SAMD3: variants seen among roughly 807,000 people sequenced by gnomAD.
The protein encoded by SAMD3 is sterile alpha motif domain containing 3, also known as sterile alpha motif domain-containing protein 3.
SAMD3 carries 63 observed loss-of-function variants against 58.5 expected under a neutral mutation model. The observed-to-expected ratio is 1.08, with a 90% CI of 0.88 to 1.33. The LOEUF (loss-of-function observed/expected upper bound fraction) is 1.33, where lower values mean the gene tolerates loss of function less well. Ranked by LOEUF, SAMD3 falls within the 40% of genes most tolerant of loss-of-function variation. The pLI, the probability that SAMD3 is intolerant of heterozygous loss-of-function variation, is 0.00. For synonymous variants in SAMD3, 220 were observed against 210.3 expected, an observed-to-expected ratio of 1.05 and a Z score of -0.40; for missense variants, 604 against 608.4, an observed-to-expected ratio of 0.99 and a Z score of 0.08.
At chr6:130,184,000 G>GAC in intron 7 of SAMD3, 103 bp downstream of exon 7, 1 of 819,632 alleles carries the variant, frequency 1.2e-6, no homozygotes, top group Non-Finnish European at 2.1e-6. Context: ...GAGAGAGAGA[G>GAC]ACACCAAGAA....
Position 130,144,498 on chromosome 6 carries a change from C to T in SAMD3, c.*22G>A, listed in dbSNP as rs975748374. The T allele has an allele frequency of 6.2e-7, 1 of 1,603,016 alleles. No individual in the cohort carries two copies. Among genetic ancestry groups the T allele is most frequent in the African/African-American group, 1.3e-5 (1 of 74,316 alleles). On this transcript the variant is annotated 3_prime_UTR_variant, in exon 12 of 12. Coordinates refer to ENST00000439090, the MANE Select transcript of SAMD3 (RefSeq NM_001017373.4). ...CTTCAGTTTTCCCAGAGGTAAATTC[C>T]AGTACAATATTTGGCATGCTATTAA...
chr6:130,191,373 A>G (rs185245457), intron 5 of SAMD3, among the ~76,000 whole-genome samples: 1 of 152,162 alleles, frequency 6.6e-6, no homozygotes, highest in Non-Finnish European at 1.5e-5. Context: ...GCTCCCCAGG[A>G]AGAGGAAAAT....
intron 2 of SAMD3, among the ~76,000 whole-genome samples, chr6:130,287,073 A>T (rs9492524): frequency 0.14 from 20,636 of 152,138 alleles, 3,894 homozygotes; most frequent in African/African-American, 0.43. Flanking sequence ...ATTACTTTGG[A>T]TGCCACATTT....
chr6:130,154,816 T>TA lies in SAMD3; in HGVS notation c.1023+8dup, dbSNP rs1789630425. The TA allele has an allele frequency of 6.3e-7, 1 of 1,580,532 alleles. No individual in the cohort carries two copies. The highest frequency in any genetic ancestry group is 8.7e-7 in the Non-Finnish European group (1 of 1,153,708). On this transcript the variant is annotated intron_variant, in intron 9 of 11. Transcript: ENST00000439090. Reference sequence around the variant, plus strand: ...TATGTGTGTGTATATATATATAGAATAAAGATACCTGATAAGGGCACTTCA... The same window carrying TA: ...TATGTGTGTGTATATATATATAGAATAAAAGATACCTGATAAGGGCACTTCA...
chr6:130,310,123 G>A (rs961159249), intron 2 of SAMD3, among the ~76,000 whole-genome samples: 2 of 152,184 alleles, frequency 1.3e-5, no homozygotes, highest in East Asian at 1.9e-4. Flanking sequence ...TCTTACCTTA[G>A]AGAATAATAT....
rs550519996 is a variant in SAMD3 at position 130,269,048 on chromosome 6, C to T, written c.-188+43930G>A. Among the ~76,000 whole-genome samples, 73 of 152,198 alleles carry T rather than the reference C, an allele frequency of 4.8e-4. No individual in the cohort carries two copies. The Middle Eastern group carries it at 0.01, about 21-fold the overall frequency. On this transcript the variant is annotated intron_variant, in intron 2 of 13. Transcript: ENST00000368134. ...GGATTATTTGCCTAGCCCTAGTTCC[C>T]GAAGTTTTACTCCTTTTCTTATTCT...
At position 130,174,414 on chromosome 6, in the gene SAMD3, G is replaced by A. The variant is rs889872486; in HGVS notation, c.822+1427C>T. ...TCATGGCTTCCTTTGGCTTGGGGAA[G>A]GAGGTCCCTGGCTCCTTGCAATTCC... On this transcript the variant is annotated intron_variant, in intron 8 of 11. Transcript: ENST00000439090. Among the ~76,000 whole-genome samples the A allele has an allele frequency of 2.6e-5, 4 of 152,202 alleles. No homozygotes were observed. The East Asian group carries it at 5.8e-4, about 22-fold the overall frequency.
At chr6:130,238,610 T>C (rs1240404314) in intron 2 of SAMD3, among the ~76,000 whole-genome samples, 4 of 151,658 alleles carry the variant, frequency 2.6e-5, no homozygotes, top group African/African-American at 7.3e-5. Context: ...AAAAGGACCC[T>C]AGGAAAGAAT....
chr6:130,293,344 G>A (rs1341679463), intron 2 of SAMD3, among the ~76,000 whole-genome samples: 1 of 152,162 alleles, frequency 6.6e-6, no homozygotes, highest in Non-Finnish European at 1.5e-5. Context: ...TGAGGCTATT[G>A]ATGAAAAGCT....
chr6:130,325,990 C>T (rs1776745760), intron 1 of SAMD3, among the ~76,000 whole-genome samples: 1 of 152,170 alleles, frequency 6.6e-6, no homozygotes, highest in Non-Finnish European at 1.5e-5. Flanking sequence ...CTGCATCTGC[C>T]ACGTGGGCAG....
chr6:130,322,022 G>T (rs1220098928), intron 1 of SAMD3, among the ~76,000 whole-genome samples: 1 of 152,182 alleles, frequency 6.6e-6, no homozygotes, highest in East Asian at 1.9e-4. Context: ...AATAAGCAGA[G>T]AAGACAACTA....
intron 1 of SAMD3, among the ~76,000 whole-genome samples, chr6:130,360,238 T>C (rs1777944392): frequency 6.6e-6 from 1 of 152,236 alleles, no homozygotes; most frequent in Non-Finnish European, 1.5e-5. Context: ...TTGAAGTTTC[T>C]CTTGAAAAAT....
chr6:130,218,854 C>A (rs904154268), intron 1 of SAMD3, among the ~76,000 whole-genome samples: 4 of 151,970 alleles, frequency 2.6e-5, no homozygotes, highest in Non-Finnish European at 4.4e-5. Context: ...CAGGGAGGAC[C>A]GTGCTGCTTG....
intron 2 of SAMD3, among the ~76,000 whole-genome samples, chr6:130,254,485 C>G (rs1038880574): frequency 5.3e-5 from 8 of 151,844 alleles, no homozygotes; most frequent in African/African-American, 1.9e-4. Flanking sequence ...CATGAGCCAC[C>G]GAGTCCTGCC....
intron 2 of SAMD3, among the ~76,000 whole-genome samples, chr6:130,296,960 C>T (rs996690460): frequency 1.3e-5 from 2 of 152,156 alleles, no homozygotes; most frequent in African/African-American, 4.8e-5. Context: ...CTTCAGTGCA[C>T]CCCAACACAA....
At chr6:130,353,691 G>C (rs1057078756) in intron 1 of SAMD3, among the ~76,000 whole-genome samples, 2 of 152,094 alleles carry the variant, frequency 1.3e-5, no homozygotes, top group African/African-American at 4.8e-5. Context: ...ATTTTAGGGA[G>C]CAAAGGGACA....
At chr6:130,215,660 T>C in intron 2 of SAMD3, 2 of 1,402,640 alleles carry the variant, frequency 1.4e-6, no homozygotes, top group Non-Finnish European at 1.8e-6. Flanking sequence ...AGGTGTGAAA[T>C]TCACCACTAC....
At chr6:130,202,654 GA>G (rs1454819370) in intron 5 of SAMD3, among the ~76,000 whole-genome samples, 1 of 152,094 alleles carries the variant, frequency 6.6e-6, no homozygotes, top group African/African-American at 2.4e-5. Flanking sequence ...AGTTAAGTGG[GA>G]TTTTTTGTTT....
rs376183282 is a variant in SAMD3, at chr6:130,336,014, TG to T, written c.-303-22922del. Among the ~76,000 whole-genome samples the T allele has an allele frequency of 4.3e-3, 656 of 151,764 alleles. 5 individuals are homozygous for T. The highest frequency in any genetic ancestry group is 0.015 in the African/African-American group (613 of 41,318). On this transcript the variant is annotated intron_variant, in intron 1 of 13. Transcript: ENST00000368134. ...GAACATCACACTCTGGGGACTGTTGTGGGGTGGGGGAAGTGGGGAGGGATAG... is the reference window on the plus strand; with the variant it reads ...GAACATCACACTCTGGGGACTGTTGTGGGTGGGGGAAGTGGGGAGGGATAG...
Sources: gnomAD v4.1 joint callset for allele counts (sites outside exome capture counted in the v4.1 genomes callset) on GRCh38, gnomAD v4.1.1 for gene constraint, MANE v1.5 for transcripts, NCBI Gene and HGNC (gene_info 2026-07-23, HGNC 2026-07-21) for gene names.